The following ZSWIM6 variants were observed in gnomAD, a reference collection of about 807,000 sequenced individuals.
The protein encoded by ZSWIM6 is zinc finger SWIM domain-containing protein 6.
ZSWIM6 carries 9 observed loss-of-function variants against 113.2 expected under a neutral mutation model. That is an observed-to-expected ratio of 0.08 (90% confidence interval 0.05 to 0.14). The LOEUF is 0.14. ZSWIM6 is among the 10% of genes least tolerant of loss of function. ZSWIM6 has a pLI of 1.00. For missense variants in ZSWIM6, 1,162 were observed against 1,552.2 expected (o/e 0.75, Z 4.22); for synonymous variants, 611 against 606.5 (o/e 1.01, Z -0.11).
At chr5:61,456,841 C>T (rs542504294) in intron 1 of ZSWIM6, among the ~76,000 whole-genome samples, 1 of 151,592 alleles carries the variant, frequency 6.6e-6, no homozygotes, top group African/African-American at 2.4e-5. Flanking sequence ...TTATAGGTTT[C>T]TGAAGCAGGG....
At chr5:61,360,182 G>GTTAT (rs1745004302) in intron 1 of ZSWIM6, among the ~76,000 whole-genome samples, 1 of 152,178 alleles carries the variant, frequency 6.6e-6, no homozygotes, top group Non-Finnish European at 1.5e-5. Context: ...TGATGATGGA[G>GTTAT]CCTACAGTTA....
At chr5:61,492,752 C>T (rs1216099188) in intron 3 of ZSWIM6, among the ~76,000 whole-genome samples, 1 of 152,004 alleles carries the variant, frequency 6.6e-6, no homozygotes, top group Non-Finnish European at 1.5e-5. Context: ...CTTTTGAGTT[C>T]TTTATAAAGC....
chr5:61,533,545 C>G (rs1749498039), intron 9 of ZSWIM6, among the ~76,000 whole-genome samples: 1 of 152,182 alleles, frequency 6.6e-6, no homozygotes, highest in Non-Finnish European at 1.5e-5. Context: ...AGGAATTACA[C>G]TAATTATTAA....
chr5:61,389,222 T>C (rs1165948073), intron 1 of ZSWIM6, among the ~76,000 whole-genome samples: 1 of 152,166 alleles, frequency 6.6e-6, no homozygotes, highest in Non-Finnish European at 1.5e-5. Context: ...ATTTGTATCC[T>C]GAAGTACAAA....
chr5:61,508,058 T>C (rs1192790789), intron 4 of ZSWIM6, among the ~76,000 whole-genome samples: 1 of 152,180 alleles, frequency 6.6e-6, no homozygotes, highest in Non-Finnish European at 1.5e-5. Flanking sequence ...TTTCTACTTC[T>C]CTCTGCACAT....
At chr5:61,440,488 G>T (rs1746803565) in intron 1 of ZSWIM6, among the ~76,000 whole-genome samples, 1 of 151,920 alleles carries the variant, frequency 6.6e-6, no homozygotes. Flanking sequence ...TACCTTCCCA[G>T]ACAGGAGAAA....
chr5:61,405,046 C>A (rs1041384697), intron 1 of ZSWIM6, among the ~76,000 whole-genome samples: 4 of 152,148 alleles, frequency 2.6e-5, no homozygotes, highest in Non-Finnish European at 5.9e-5. Context: ...GCCATAAATA[C>A]GAAGGGTTTC....
chr5:61,523,650 A>G (rs1172237190), intron 5 of ZSWIM6, among the ~76,000 whole-genome samples: 1 of 152,210 alleles, frequency 6.6e-6, no homozygotes, highest in Non-Finnish European at 1.5e-5. Flanking sequence ...ATAGCCACTG[A>G]CATTCAAGAT....
Position 61,535,712 on chromosome 5 carries a change from G to A in ZSWIM6, c.2381+93G>A, listed in dbSNP as rs1749556967. ...GACTTACTCCTTCATGTTTCTTATA[G>A]GCAGCAGAAAAGCTAAAGAAACTAT... On this transcript the variant is annotated intron_variant, in intron 10 of 13. Coordinates refer to ENST00000252744, the MANE Select transcript of ZSWIM6 (RefSeq NM_020928.2). 6 of 1,450,464 alleles carry A rather than the reference G, an allele frequency of 4.1e-6. No homozygotes were observed. In the South Asian group the frequency reaches 6.2e-5, roughly 15 times the overall value. The allele number at this position is 1,450,464 out of a possible 1,614,324, so 89.8% of individuals were successfully genotyped here. A position where few individuals can be genotyped will look rare whatever the true frequency, so the allele number is the denominator to read the frequency against.
At chr5:61,376,625 T>C (rs1214212121) in intron 1 of ZSWIM6, among the ~76,000 whole-genome samples, 3 of 134,396 alleles carry the variant, frequency 2.2e-5, no homozygotes, top group South Asian at 2.7e-4. Context: ...GAATGTGTTA[T>C]GTCATTTGAA....
intron 4 of ZSWIM6, among the ~76,000 whole-genome samples, chr5:61,518,838 G>T (rs2112257302): frequency 6.6e-6 from 1 of 152,132 alleles, no homozygotes; most frequent in South Asian, 2.1e-4. Flanking sequence ...ATTGCTTTTG[G>T]TGTTTTAGAC....
chr5:61,417,119 G>A (rs1192279435), intron 1 of ZSWIM6, among the ~76,000 whole-genome samples: 1 of 152,096 alleles, frequency 6.6e-6, no homozygotes, highest in Non-Finnish European at 1.5e-5. Flanking sequence ...TCCAGCCTGG[G>A]CAACAAGAGC....
At chr5:61,412,857 ATTCAT>A (rs1746173102) in intron 1 of ZSWIM6, among the ~76,000 whole-genome samples, 1 of 152,038 alleles carries the variant, frequency 6.6e-6, no homozygotes, top group Non-Finnish European at 1.5e-5. Flanking sequence ...GTTCTCATTC[ATTCAT>A]TCATTCATTC....
At chr5:61,522,492 G>A (rs1749159898) in intron 5 of ZSWIM6, among the ~76,000 whole-genome samples, 1 of 152,146 alleles carries the variant, frequency 6.6e-6, no homozygotes, top group Non-Finnish European at 1.5e-5. Context: ...TGTGATGTTA[G>A]TATAGTGTTT....
At chr5:61,375,577 G>C in intron 1 of ZSWIM6, 1 of 1,530,918 alleles carries the variant, frequency 6.5e-7, no homozygotes, top group Admixed American at 2.0e-5. Context: ...AGACAGTAAG[G>C]ATAGTTTAAA....
At chr5:61,536,547 A>T (rs1318406522) in intron 10 of ZSWIM6, among the ~76,000 whole-genome samples, 1 of 152,234 alleles carries the variant, frequency 6.6e-6, no homozygotes, top group Non-Finnish European at 1.5e-5. Flanking sequence ...GTTTGATCTC[A>T]AGAAGCTTTT....
At chr5:61,408,049 T>A (rs771440519) in intron 1 of ZSWIM6, among the ~76,000 whole-genome samples, 56 of 152,344 alleles carry the variant, frequency 3.7e-4, no homozygotes, top group Non-Finnish European at 6.6e-4. Flanking sequence ...ACCAGCATTA[T>A]TTGTAATAGC....
chr5:61,357,313 C>G (rs905549423), intron 1 of ZSWIM6, among the ~76,000 whole-genome samples: 2 of 151,992 alleles, frequency 1.3e-5, no homozygotes, highest in Non-Finnish European at 2.9e-5. Context: ...TTTAAAGCAG[C>G]ACGAAAATAA....
At chr5:61,402,680 A>G (rs570351465) in intron 1 of ZSWIM6, among the ~76,000 whole-genome samples, 9 of 152,370 alleles carry the variant, frequency 5.9e-5, no homozygotes, top group Admixed American at 2.0e-4. Context: ...TGGAACTCCA[A>G]TATAAGGTTT....
Sources: gnomAD v4.1 joint callset for allele counts (sites outside exome capture counted in the v4.1 genomes callset) on GRCh38, gnomAD v4.1.1 for gene constraint, MANE v1.5 for transcripts, NCBI Gene and HGNC (gene_info 2026-07-23, HGNC 2026-07-21) for gene names.